HERC2: variants seen among roughly 807,000 people sequenced by gnomAD.
The protein encoded by HERC2 is HECT and RLD domain containing E3 ubiquitin protein ligase 2, also known as E3 ubiquitin-protein ligase HERC2.
Under a neutral mutation model 537.7 loss-of-function variants are expected in HERC2, and 102 were observed. The observed-to-expected ratio is 0.19, with a 90% CI of 0.16 to 0.22. The LOEUF (loss-of-function observed/expected upper bound fraction) is 0.22. Ranked by LOEUF, HERC2 falls within the 10% of genes least tolerant of loss-of-function variation. HERC2 has a pLI of 1.00. For missense variants in HERC2, 4,236 were observed against 6,198.2 expected (o/e 0.68, Z 10.63); for synonymous variants, 2,224 against 2,466.2 (o/e 0.90, Z 2.91).
chr15:28,129,447 C>A (rs866618888), intron 83 of HERC2, among the ~76,000 whole-genome samples: 1 of 152,324 alleles, frequency 6.6e-6, no homozygotes, highest in South Asian at 2.1e-4. Context: ...CCCTGCCTGG[C>A]GCGTACCAAG....
chr15:28,147,220 C>T (rs373850620), intron 70 of HERC2, among the ~76,000 whole-genome samples: 9 of 151,920 alleles, frequency 5.9e-5, no homozygotes, highest in African/African-American at 1.7e-4. Flanking sequence ...AGATATAAAG[C>T]GAGAGAGAAA....
chr15:28,261,147 T>A (rs573587298), intron 15 of HERC2, among the ~76,000 whole-genome samples, 177 bp from the exon 16 acceptor site: 7 of 152,248 alleles, frequency 4.6e-5, no homozygotes, highest in Non-Finnish European at 7.3e-5. Flanking sequence ...AAAACTGCTG[T>A]ATTTTGTCAG....
intron 70 of HERC2, among the ~76,000 whole-genome samples, chr15:28,147,470 T>C (rs1891875139): frequency 6.7e-6 from 1 of 149,804 alleles, no homozygotes; most frequent in East Asian, 1.9e-4. Context: ...TTATATATTA[T>C]ATATTTTAAA....
chr15:28,249,845 G>A (rs920374812), intron 20 of HERC2, among the ~76,000 whole-genome samples: 4 of 149,214 alleles, frequency 2.7e-5, no homozygotes, highest in East Asian at 2.0e-4. Context: ...AAGTGGAGAC[G>A]GGCTTTCACT....
At chr15:28,244,099 G>C (rs959663240) in intron 23 of HERC2, among the ~76,000 whole-genome samples, 1 of 152,120 alleles carries the variant, frequency 6.6e-6, no homozygotes, top group African/African-American at 2.4e-5. Flanking sequence ...GGGAGGTCAA[G>C]GCTACAGTGA....
intron 85 of HERC2, 148 bp downstream of exon 85, chr15:28,123,889 A>C (rs572424313): frequency 1.8e-6 from 1 of 565,628 alleles, no homozygotes; most frequent in Non-Finnish European, 2.9e-6. Flanking sequence ...AAGTACCCAG[A>C]ACAGAGCCTG....
At position 28,216,970 on chromosome 15, in the gene HERC2, T is replaced by C. The variant is rs1899980328; in HGVS notation, c.6029-1168A>G. On this transcript the variant is annotated intron_variant, in intron 38 of 92. Coordinates refer to ENST00000261609, the MANE Select transcript of HERC2 (RefSeq NM_004667.6). ...CTTTGCACTCACACCTATACTGTTA[T>C]AACCTCCCATTCACTGACACAAGCA... Among the ~76,000 whole-genome samples, 8 of 152,130 alleles carry C rather than the reference T, an allele frequency of 5.3e-5. No individual in the cohort carries two copies. In the South Asian group the frequency reaches 1.7e-3, roughly 31 times the overall value.
Position 28,178,995 on chromosome 15 carries a change from C to A in HERC2, c.9055G>T (p.Ala3019Ser). Residue 3019 changes from alanine (A) to serine (S), a missense_variant, in exon 59 of 93, where the codon GCC (alanine) becomes TCC (serine). Physicochemically the swap from Ala to Ser is moderately conservative, Grantham distance 99 (BLOSUM62 1). This residue lies in a region of HERC2 where 606 missense variants were observed against 884.5 expected (regional missense o/e 0.69). Coordinates refer to ENST00000261609, the MANE Select transcript of HERC2 (RefSeq NM_004667.6). Reference sequence around the variant, plus strand: ...CCCAGCCCCAGCCGGCCATTCGTGGCTTCTCCACAGGCATACACCTTCCCT... The same window carrying A: ...CCCAGCCCCAGCCGGCCATTCGTGGATTCTCCACAGGCATACACCTTCCCT... ...VEGKVYACGE[A>S]TNGRLGLGIS... 1.2e-6 allele frequency: 2 copies of A among 1,614,216 alleles called. No individual in the cohort carries two copies. Among genetic ancestry groups the A allele is most frequent in the Non-Finnish European group, 1.7e-6 (2 of 1,180,028 alleles).
At chr15:28,256,436 T>C (rs765782678) in intron 17 of HERC2, 119 bp from the exon 18 acceptor site, 2 of 784,078 alleles carry the variant, frequency 2.6e-6, no homozygotes, top group Non-Finnish European at 4.0e-6. Flanking sequence ...ATTTCTCAGT[T>C]TATGTATTTT....
intron 63 of HERC2, among the ~76,000 whole-genome samples, 183 bp from the exon 64 acceptor site, chr15:28,175,839 C>T (rs1362992452): frequency 6.6e-6 from 1 of 152,136 alleles, no homozygotes; most frequent in Non-Finnish European, 1.5e-5. Context: ...ATTAAGCCAG[C>T]TGGGAAAAAC....
chr15:28,167,128 A>T (rs1198905826), intron 68 of HERC2, among the ~76,000 whole-genome samples: 2 of 152,250 alleles, frequency 1.3e-5, no homozygotes, highest in Non-Finnish European at 2.9e-5. Flanking sequence ...ATGAGGAACA[A>T]GACATTGACA....
intron 4 of HERC2, among the ~76,000 whole-genome samples, chr15:28,283,269 C>A (rs561023140): frequency 1.3e-5 from 2 of 152,180 alleles, no homozygotes; most frequent in East Asian, 3.9e-4. Context: ...ATACAATAAT[C>A]AAACTCCAAA....
chr15:28,242,980 C>T (rs1903281577), intron 23 of HERC2, among the ~76,000 whole-genome samples: 1 of 152,188 alleles, frequency 6.6e-6, no homozygotes, highest in Non-Finnish European at 1.5e-5. Flanking sequence ...AGCTTTTTCT[C>T]TGCTACTAAG....
At chr15:28,219,325 C>A (rs2140487564) in intron 37 of HERC2, among the ~76,000 whole-genome samples, 1 of 152,340 alleles carries the variant, frequency 6.6e-6, no homozygotes, top group East Asian at 1.9e-4. Flanking sequence ...GCCGTGGGGC[C>A]ACCCCTGCCC....
chr15:28,292,576 G>C (rs2076347202), intron 4 of HERC2, among the ~76,000 whole-genome samples: 1 of 152,140 alleles, frequency 6.6e-6, no homozygotes, highest in African/African-American at 2.4e-5. Flanking sequence ...AGCAACTCAG[G>C]AGTGTGAGGC....
chr15:28,245,231 A>G (rs1254826909), intron 23 of HERC2, among the ~76,000 whole-genome samples: 1 of 152,166 alleles, frequency 6.6e-6, no homozygotes, highest in Non-Finnish European at 1.5e-5. Context: ...AGGATTACTA[A>G]TGGAAAAATC....
intron 16 of HERC2, among the ~76,000 whole-genome samples, chr15:28,260,264 C>T (rs1048997499): frequency 2.0e-5 from 3 of 152,092 alleles, no homozygotes; most frequent in Non-Finnish European, 4.4e-5. Flanking sequence ...AGGAAAACTG[C>T]ATGACCATTT....
chr15:28,190,998 G>A lies in HERC2; in HGVS notation c.8616C>T (p.Asp2872=), dbSNP rs769533190. The part of the protein sequence containing the change: ...ELKTININPS[D]TTVPLLNDCT... The stretch of plus-strand genomic sequence containing the variant: ...AGTCATTCAGAAGGGGCACTGTGGT[G>A]TCAGAAGGGTTAATATTGATTGTCT... Residue 2872 remains aspartate (D), a synonymous_variant, in exon 55 of 93, where the codon GAC becomes GAT. Transcript: ENST00000261609. 10 of 1,612,522 alleles carry A rather than the reference G, an allele frequency of 6.2e-6. No individual in the cohort carries two copies. The highest frequency in any genetic ancestry group is 7.6e-6 in the Non-Finnish European group (9 of 1,178,528).
At chr15:28,134,462 C>T (rs565606829) in intron 79 of HERC2, among the ~76,000 whole-genome samples, 1 of 152,282 alleles carries the variant, frequency 6.6e-6, no homozygotes, top group East Asian at 1.9e-4. Context: ...TTTCTTTGCA[C>T]TGCTGTACCG....
Sources: allele counts gnomAD v4.1 joint callset (sites outside exome capture counted in the v4.1 genomes callset), GRCh38; gene constraint gnomAD v4.1.1; regional missense constraint gnomAD v4.1.1; transcripts MANE v1.5; gene names NCBI Gene and HGNC (gene_info 2026-07-23, HGNC 2026-07-21).